Variants in VSNL1 observed in about 807,000 individuals in gnomAD.
The protein encoded by VSNL1 is visinin like 1.
A neutral mutation model predicts 20.4 loss-of-function variants in VSNL1; 6 were observed. The ratio of observed to expected loss-of-function variants is 0.29; its 90% CI spans 0.16 to 0.58. The LOEUF (loss-of-function observed/expected upper bound fraction) is 0.58. Ranked by LOEUF, VSNL1 falls within the 20% of genes least tolerant of loss-of-function variation. VSNL1 has a pLI of 0.90. For missense variants in VSNL1, 100 were observed against 234.5 expected, an observed-to-expected ratio of 0.43 and a Z score of 3.75; for synonymous variants, 93 against 86.4, an observed-to-expected ratio of 1.08 and a Z score of -0.42.
intron 1 of VSNL1, among the ~76,000 whole-genome samples, chr2:17,572,339 G>C (rs866185288): frequency 1.3e-5 from 2 of 152,030 alleles, no homozygotes; most frequent in African/African-American, 2.4e-5. Context: ...TTTGTCTGGC[G>C]CATGCAGTAG....
chr2:17,545,335 A>AC (rs1663383099), intron 1 of VSNL1, among the ~76,000 whole-genome samples: 4 of 152,256 alleles, frequency 2.6e-5, no homozygotes, highest in South Asian at 2.1e-4. Context: ...TTTATGATTT[A>AC]TTTTTTGTAA....
At chr2:17,625,846 T>A (rs1665497539) in intron 2 of VSNL1, among the ~76,000 whole-genome samples, 1 of 149,388 alleles carries the variant, frequency 6.7e-6, no homozygotes, top group Non-Finnish European at 1.5e-5. Flanking sequence ...GCTGATTTTT[T>A]TTTTTTTTTT....
intron 1 of VSNL1, among the ~76,000 whole-genome samples, chr2:17,587,539 C>T (rs182289441): frequency 6.6e-6 from 1 of 152,218 alleles, no homozygotes; most frequent in Admixed American, 6.5e-5. Context: ...AAATCCTCTG[C>T]CTCTTCTGCT....
chr2:17,638,961 C>T (rs1374165951), intron 2 of VSNL1, among the ~76,000 whole-genome samples: 2 of 152,184 alleles, frequency 1.3e-5, no homozygotes, highest in Admixed American at 1.3e-4. Context: ...CCTGGTGTGG[C>T]CATCCTTTTG....
At chr2:17,571,238 A>T (rs1194400909) in intron 1 of VSNL1, among the ~76,000 whole-genome samples, 1 of 152,174 alleles carries the variant, frequency 6.6e-6, no homozygotes. Context: ...CCTCAACCAC[A>T]CTTTCCTTTA....
chr2:17,587,670 T>C (rs62132089), intron 1 of VSNL1, among the ~76,000 whole-genome samples: 14,797 of 152,092 alleles, frequency 0.097, 1,015 homozygotes, highest in African/African-American at 0.19. Flanking sequence ...TGAGAGAAGA[T>C]GATGGCCTCT....
chr2:17,618,232 T>G (rs73222512), intron 2 of VSNL1, among the ~76,000 whole-genome samples: 4,826 of 152,270 alleles, frequency 0.032, 253 homozygotes, highest in African/African-American at 0.11. Context: ...CTTACACTTT[T>G]GGGGGCCAGA....
At chr2:17,608,279 G>T (rs1390575996) in intron 2 of VSNL1, among the ~76,000 whole-genome samples, 1 of 152,214 alleles carries the variant, frequency 6.6e-6, no homozygotes, top group East Asian at 1.9e-4. Context: ...TCACTGCATA[G>T]TCAAGGTAGT....
At chr2:17,650,952 T>C (rs1666110612) in intron 3 of VSNL1, among the ~76,000 whole-genome samples, 1 of 152,244 alleles carries the variant, frequency 6.6e-6, no homozygotes, top group Non-Finnish European at 1.5e-5. Context: ...TATATATTTT[T>C]TCCAGCAGGT....
chr2:17,641,319 C>T (rs1284197849), intron 2 of VSNL1, among the ~76,000 whole-genome samples: 1 of 152,214 alleles, frequency 6.6e-6, no homozygotes. Context: ...CCACAGCAAC[C>T]AAGCTACTAC....
chr2:17,633,472 T>C (rs552360419), intron 2 of VSNL1, among the ~76,000 whole-genome samples: 1 of 151,020 alleles, frequency 6.6e-6, no homozygotes, highest in East Asian at 2.0e-4. Context: ...GGAGCCGAGA[T>C]TACACCACTG....
rs771138864 is a variant in VSNL1, at chr2:17,656,219, T to G, written c.*825T>G. The G allele has an allele frequency of 7.9e-5, 12 of 152,186 alleles. 1 individual carries two copies. The highest frequency in any genetic ancestry group is 2.9e-5 in the Non-Finnish European group (2 of 68,036). The allele number at this position is 152,186 out of a possible 1,614,324, so 9.4% of individuals were successfully genotyped here. A position where few individuals can be genotyped will look rare whatever the true frequency, so the allele number is the denominator to read the frequency against. ...AATTCTTATTTTATAATTTTAAAAT[T>G]GCAGCAGTTGCTAGCAACAACTTAC... On this transcript the variant is annotated 3_prime_UTR_variant, in exon 4 of 4. Transcript: ENST00000295156.
intron 3 of VSNL1, among the ~76,000 whole-genome samples, chr2:17,652,258 GAGGCACAATC>G (rs1044073218): frequency 6.6e-6 from 1 of 152,182 alleles, no homozygotes; most frequent in Non-Finnish European, 1.5e-5. Context: ...TGAGGAACAT[GAGGCACAATC>G]AGTAAAGGAG....
chr2:17,612,261 G>C (rs562273130), intron 2 of VSNL1, among the ~76,000 whole-genome samples: 12 of 152,156 alleles, frequency 7.9e-5, no homozygotes, highest in African/African-American at 2.9e-4. Context: ...GGCCCCAGAG[G>C]CTGCCTGATA....
intron 2 of VSNL1, among the ~76,000 whole-genome samples, chr2:17,632,367 C>T (rs1378614558): frequency 6.6e-6 from 1 of 152,060 alleles, no homozygotes; most frequent in Non-Finnish European, 1.5e-5. Flanking sequence ...GTGGCGCAAT[C>T]TCAGCTCAGT....
chr2:17,579,112 CT>C (rs910339903), intron 1 of VSNL1, among the ~76,000 whole-genome samples: 7 of 151,460 alleles, frequency 4.6e-5, no homozygotes, highest in Admixed American at 1.3e-4. Flanking sequence ...TTCTTTCTTT[CT>C]TTTTTTTTAT....
At chr2:17,575,751 G>A (rs2103360371) in intron 1 of VSNL1, among the ~76,000 whole-genome samples, 1 of 152,126 alleles carries the variant, frequency 6.6e-6, no homozygotes, top group Admixed American at 6.5e-5. Context: ...TGGCCAGGCT[G>A]GTCTCGAACT....
intron 1 of VSNL1, among the ~76,000 whole-genome samples, chr2:17,556,293 A>G (rs1487095667): frequency 3.3e-5 from 5 of 152,216 alleles, no homozygotes; most frequent in Non-Finnish European, 7.3e-5. Context: ...TATAAGAACC[A>G]TGTTTATTCA....
At chr2:17,579,170 C>T (rs1472318568) in intron 1 of VSNL1, among the ~76,000 whole-genome samples, 2 of 151,700 alleles carry the variant, frequency 1.3e-5, no homozygotes, top group Admixed American at 6.6e-5. Flanking sequence ...AGCTGGAGTG[C>T]AGTGGTGCAA....
Sources: allele counts gnomAD v4.1 joint callset (sites outside exome capture counted in the v4.1 genomes callset), GRCh38; gene constraint gnomAD v4.1.1; transcripts MANE v1.5; gene names NCBI Gene and HGNC (gene_info 2026-07-23, HGNC 2026-07-21).